The following MICU1 variants were observed in gnomAD, a reference collection of about 807,000 sequenced individuals.
The protein encoded by MICU1 is mitochondrial calcium uptake 1, also known as calcium uptake protein 1, mitochondrial.
Under a neutral mutation model 56.8 loss-of-function variants are expected in MICU1, and 45 were observed. The ratio of observed to expected loss-of-function variants is 0.79; its 90% CI spans 0.62 to 1.02. MICU1 has a LOEUF of 1.02. MICU1 is among the 50% of genes least tolerant of loss of function. MICU1 has a pLI of 0.00. For synonymous variants in MICU1, 186 were observed against 195.1 expected (o/e 0.95, Z 0.39); for missense variants, 504 against 587.1 (o/e 0.86, Z 1.46).
At chr10:72,508,641 A>T (rs1429495094) in intron 5 of MICU1, 1 of 155,042 alleles carries the variant, frequency 6.4e-6, no homozygotes, top group Non-Finnish European at 1.4e-5. Context: ...CACATGAAAA[A>T]ACTAAAAGGA....
chr10:72,394,778 G>A (rs962258362), intron 10 of MICU1, among the ~76,000 whole-genome samples: 4 of 152,168 alleles, frequency 2.6e-5, no homozygotes, highest in Non-Finnish European at 4.4e-5. Flanking sequence ...CAAGACCAGC[G>A]TGGTCAACAG....
chr10:72,529,946 CTTTTTTTT>C (rs11338457), intron 5 of MICU1, among the ~76,000 whole-genome samples: 2 of 100,800 alleles, frequency 2.0e-5, no homozygotes, highest in Non-Finnish European at 3.8e-5. Flanking sequence ...GGGGAAGGTG[CTTTTTTTT>C]TTTTTTTTTT....
chr10:72,397,374 T>A (rs887096834), intron 10 of MICU1, among the ~76,000 whole-genome samples: 2 of 152,146 alleles, frequency 1.3e-5, no homozygotes, highest in South Asian at 4.1e-4. Flanking sequence ...ACTGCATCAA[T>A]TAATGGGCAA....
chr10:72,557,756 A>G (rs1199642605), intron 3 of MICU1, among the ~76,000 whole-genome samples: 1 of 152,362 alleles, frequency 6.6e-6, no homozygotes, highest in Non-Finnish European at 1.5e-5. Flanking sequence ...ATACATACAT[A>G]TATAGATGCA....
At chr10:72,520,730 C>A (rs1298344875) in intron 5 of MICU1, among the ~76,000 whole-genome samples, 1 of 152,050 alleles carries the variant, frequency 6.6e-6, no homozygotes, top group Admixed American at 6.6e-5. Flanking sequence ...TTTTAAAAAA[C>A]AGTGGCAGAT....
At chr10:72,438,934 G>A (rs1393413059) in intron 8 of MICU1, among the ~76,000 whole-genome samples, 1 of 152,138 alleles carries the variant, frequency 6.6e-6, no homozygotes, top group Admixed American at 6.6e-5. Flanking sequence ...AAAAAGTCCA[G>A]GACCAGACGG....
intron 1 of MICU1, among the ~76,000 whole-genome samples, chr10:72,611,270 T>A (rs2132567725): frequency 7.0e-6 from 1 of 142,004 alleles, no homozygotes; most frequent in East Asian, 2.2e-4. Flanking sequence ...TCCACTGCAC[T>A]CCAGCCTGGG....
Position 72,495,738 on chromosome 10 carries a change from A to C in MICU1, c.652+12417T>G, listed in dbSNP as rs1866820338. Reference sequence around the variant, plus strand: ...TTGTGACTTAACCTATGCTAATGACACTCTTTAGATGTGACTAAGTTTGGC... The same window carrying C: ...TTGTGACTTAACCTATGCTAATGACCCTCTTTAGATGTGACTAAGTTTGGC... On this transcript the variant is annotated intron_variant, in intron 6 of 11. Transcript: ENST00000361114. 2.0e-5 allele frequency among the ~76,000 whole-genome samples: 3 copies of C among 151,678 alleles called. No homozygotes were observed. The South Asian group carries it at 6.2e-4, about 31-fold the overall frequency.
At chr10:72,591,001 A>G (rs1310245692) in intron 1 of MICU1, among the ~76,000 whole-genome samples, 1 of 152,130 alleles carries the variant, frequency 6.6e-6, no homozygotes, top group Non-Finnish European at 1.5e-5. Flanking sequence ...CCACAAATTA[A>G]GTCTCAATAG....
At chr10:72,573,651 T>C (rs1840671316) in intron 1 of MICU1, among the ~76,000 whole-genome samples, 2 of 152,184 alleles carry the variant, frequency 1.3e-5, no homozygotes, top group South Asian at 4.1e-4. Flanking sequence ...TATAATCACA[T>C]GGTTAATTTT....
At chr10:72,549,040 G>A (rs944536079) in intron 4 of MICU1, among the ~76,000 whole-genome samples, 1 of 152,130 alleles carries the variant, frequency 6.6e-6, no homozygotes, top group Non-Finnish European at 1.5e-5. Context: ...CATTTTGGAG[G>A]GGTGATGGTT....
chr10:72,557,231 G>T (rs1840181095), intron 3 of MICU1, among the ~76,000 whole-genome samples: 1 of 152,108 alleles, frequency 6.6e-6, no homozygotes. Flanking sequence ...AACCCACAGT[G>T]CACCTTCCTA....
intron 5 of MICU1, among the ~76,000 whole-genome samples, chr10:72,510,249 G>T (rs905805113): frequency 3.9e-5 from 6 of 152,044 alleles, no homozygotes; most frequent in African/African-American, 1.4e-4. Context: ...AATTTTGTTG[G>T]TAACAAAATT....
At position 72,550,697 on chromosome 10, in the gene MICU1, C is replaced by T. The variant is rs573450339; in HGVS notation, c.493+482G>A. Among the ~76,000 whole-genome samples, 3 of 152,280 alleles carry T rather than the reference C, an allele frequency of 2.0e-5. No homozygotes were observed. In the South Asian group the frequency reaches 6.2e-4, roughly 32 times the overall value. ...TCTTTTTAAACATAGGTGTTTATAA[C>T]TATAAATTTCCCTCTGAGCACTGCT... is the stretch of plus-strand genomic sequence containing the variant. On this transcript the variant is annotated intron_variant, in intron 4 of 11. Transcript: ENST00000361114.
At chr10:72,594,533 C>T (rs1841318075) in intron 1 of MICU1, among the ~76,000 whole-genome samples, 1 of 151,342 alleles carries the variant, frequency 6.6e-6, no homozygotes, top group African/African-American at 2.4e-5. Context: ...GCAAAGGCAA[C>T]AAAAGAAAAA....
At chr10:72,542,804 A>G (rs1431191136) in intron 4 of MICU1, among the ~76,000 whole-genome samples, 1 of 152,224 alleles carries the variant, frequency 6.6e-6, no homozygotes, top group Non-Finnish European at 1.5e-5. Flanking sequence ...TCTGGTGTCC[A>G]GGAAAATTGA....
chr10:72,557,043 G>A (rs1438694370), intron 3 of MICU1, among the ~76,000 whole-genome samples: 1 of 151,942 alleles, frequency 6.6e-6, no homozygotes, highest in African/African-American at 2.4e-5. Context: ...TCTAGCCTGG[G>A]TGACAGAGCA....
intron 1 of MICU1, among the ~76,000 whole-genome samples, chr10:72,620,981 G>T (rs1317256264): frequency 6.6e-6 from 1 of 152,012 alleles, no homozygotes; most frequent in Non-Finnish European, 1.5e-5. Flanking sequence ...CCCATATTTT[G>T]GGAAGCCAAG....
At chr10:72,565,044 G>A (rs1440119242) in intron 2 of MICU1, among the ~76,000 whole-genome samples, 1 of 151,672 alleles carries the variant, frequency 6.6e-6, no homozygotes, top group Admixed American at 6.6e-5. Flanking sequence ...ACTTTAGGAG[G>A]CTGAGGTGGG....
Sources: allele counts gnomAD v4.1 joint callset (sites outside exome capture counted in the v4.1 genomes callset), GRCh38; gene constraint gnomAD v4.1.1; transcripts MANE v1.5; gene names NCBI Gene and HGNC (gene_info 2026-07-23, HGNC 2026-07-21).